The following COL4A1 variants were observed in gnomAD, a reference collection of about 807,000 sequenced individuals.
The protein encoded by COL4A1 is collagen alpha-1(IV) chain.
COL4A1 carries 40 observed loss-of-function variants against 216.6 expected under a neutral mutation model. That is an observed-to-expected ratio of 0.18 (90% CI 0.14 to 0.24). The LOEUF (loss-of-function observed/expected upper bound fraction) is 0.24. Ranked by LOEUF, COL4A1 falls within the 10% of genes least tolerant of loss-of-function variation. The probability of loss-of-function intolerance (pLI) is 1.00; values close to 1 mark genes in which losing one functional copy is unlikely to be tolerated. For synonymous variants in COL4A1, 839 were observed against 810.7 expected, an observed-to-expected ratio of 1.03 and a Z score of -0.59; for missense variants, 1,628 against 2,196.8, an observed-to-expected ratio of 0.74 and a Z score of 5.18.
At chr13:110,188,501 G>C (rs1418567314) in intron 24 of COL4A1, among the ~76,000 whole-genome samples, 1 of 152,216 alleles carries the variant, frequency 6.6e-6, no homozygotes, top group Non-Finnish European at 1.5e-5. Flanking sequence ...GGAAAACATG[G>C]AAACCAGGAC....
chr13:110,182,700 C>T (rs1009687763), intron 28 of COL4A1, among the ~76,000 whole-genome samples: 6 of 152,250 alleles, frequency 3.9e-5, no homozygotes, highest in African/African-American at 4.8e-5. Flanking sequence ...GAGTCTTCCT[C>T]ACGGATAAAA....
intron 1 of COL4A1, among the ~76,000 whole-genome samples, chr13:110,250,686 GT>G (rs1159230822): frequency 6.6e-6 from 1 of 152,126 alleles, no homozygotes; most frequent in Non-Finnish European, 1.5e-5. Flanking sequence ...AAATGAGTTG[GT>G]GGGCTTCGTG....
At chr13:110,290,625 C>A (rs1308758912) in intron 1 of COL4A1, among the ~76,000 whole-genome samples, 1 of 152,218 alleles carries the variant, frequency 6.6e-6, no homozygotes, top group African/African-American at 2.4e-5. Context: ...ACCTCCAGCT[C>A]ATCATCCCTG....
intron 20 of COL4A1, among the ~76,000 whole-genome samples, chr13:110,199,839 A>G (rs769341795): frequency 2.0e-5 from 3 of 152,224 alleles, no homozygotes; most frequent in Non-Finnish European, 4.4e-5. Context: ...GTGAGGAGAC[A>G]TGAAGTCACA....
intron 29 of COL4A1, among the ~76,000 whole-genome samples, chr13:110,180,294 A>G (rs981773812): frequency 1.3e-5 from 2 of 152,256 alleles, no homozygotes; most frequent in African/African-American, 4.8e-5. Context: ...GGTTGACTAA[A>G]TGTTCAAATG....
intron 19 of COL4A1, 191 bp downstream of exon 19, chr13:110,201,247 A>C: frequency 2.1e-6 from 1 of 469,696 alleles, no homozygotes; most frequent in Non-Finnish European, 3.8e-6. Context: ...GAGAAGGAGG[A>C]GGAGGAGGAA....
At chr13:110,159,374 A>G (rs963710721) in intron 49 of COL4A1, among the ~76,000 whole-genome samples, 6 of 152,208 alleles carry the variant, frequency 3.9e-5, no homozygotes, top group Non-Finnish European at 8.8e-5. Flanking sequence ...GGAGATACAC[A>G]GTATGTCTGC....
At chr13:110,277,339 C>G (rs58988373) in intron 1 of COL4A1, among the ~76,000 whole-genome samples, 18,907 of 152,210 alleles carry the variant, frequency 0.12, 1,171 homozygotes, top group Non-Finnish European at 0.15. Context: ...CTGTCTAAGC[C>G]ATTCTTTATT....
intron 1 of COL4A1, among the ~76,000 whole-genome samples, chr13:110,262,759 T>C (rs1180583748): frequency 6.6e-6 from 1 of 152,232 alleles, no homozygotes; most frequent in Non-Finnish European, 1.5e-5. Context: ...CTGCCTGGAA[T>C]TTCCAGCTGT....
intron 42 of COL4A1, 66 bp from the exon 43 acceptor site, chr13:110,169,828 G>A: frequency 6.2e-7 from 1 of 1,603,904 alleles, no homozygotes; most frequent in Non-Finnish European, 8.5e-7. Flanking sequence ...GGGCTGTGGG[G>A]CTATCAATAC....
At chr13:110,235,556 G>C (rs541367470) in intron 2 of COL4A1, among the ~76,000 whole-genome samples, 4 of 151,798 alleles carry the variant, frequency 2.6e-5, no homozygotes, top group Admixed American at 1.3e-4. Context: ...GAGGCTGAGG[G>C]AGGAGAATGG....
intron 51 of COL4A1, 68 bp downstream of exon 51, chr13:110,152,266 C>A: frequency 6.3e-7 from 1 of 1,595,880 alleles, no homozygotes; most frequent in Non-Finnish European, 8.5e-7. Context: ...TGTTACGGAT[C>A]GCGGATGATT....
rs143182563 is a variant in COL4A1, at chr13:110,176,431, G to T, written c.3051C>A (p.Gly1017=). The change falls in exon 36 of 52, where the codon GGC becomes GGA. Residue 1017 remains glycine (G), a synonymous_variant. Coordinates refer to ENST00000375820, the MANE Select transcript of COL4A1 (RefSeq NM_001845.6). ...CTTCTAAATCCAGTTTACCTGGCAA[G>T]CCCATTCCACCAACAGATCCTTTTG... The part of the protein sequence containing the change: ...PGPKGSVGGM[G]LPGTPGEKGV... 6.8e-6 allele frequency: 11 copies of T among 1,611,400 alleles called. No individual in the cohort carries two copies. The African/African-American group carries it at 9.3e-5, about 14-fold the overall frequency.
chr13:110,257,445 A>C (rs1038134339), intron 1 of COL4A1, among the ~76,000 whole-genome samples: 10 of 152,256 alleles, frequency 6.6e-5, no homozygotes, highest in African/African-American at 2.4e-4. Flanking sequence ...GCAAACCGTA[A>C]GTGCTACTTC....
At chr13:110,296,239 A>G (rs1026969137) in intron 1 of COL4A1, among the ~76,000 whole-genome samples, 1 of 152,188 alleles carries the variant, frequency 6.6e-6, no homozygotes, top group African/African-American at 2.4e-5. Flanking sequence ...GCTTTTGTTC[A>G]TCTCATAATT....
chr13:110,236,620 G>A (rs1201620667), intron 2 of COL4A1, among the ~76,000 whole-genome samples: 1 of 150,572 alleles, frequency 6.6e-6, no homozygotes, highest in African/African-American at 2.4e-5. Context: ...CCACGTCCTG[G>A]GTAATCGCGG....
chr13:110,209,834 T>C (rs1879692158), intron 10 of COL4A1, 146 bp downstream of exon 10: 1 of 1,006,794 alleles, frequency 9.9e-7, no homozygotes, highest in Admixed American at 1.7e-5. Context: ...GCCAAACGTT[T>C]AGTAAGAGGG....
chr13:110,182,010 A>G (rs1419961073), intron 28 of COL4A1, among the ~76,000 whole-genome samples: 2 of 152,234 alleles, frequency 1.3e-5, no homozygotes, highest in African/African-American at 2.4e-5. Context: ...AGGCTGCTGC[A>G]CAGATAGGGT....
In COL4A1 at chr13:110,178,998, A is replaced by T. The variant is rs1192018188; in HGVS notation, c.2383T>A (p.Ser795Thr). The T allele has an allele frequency of 6.2e-7, 1 of 1,611,720 alleles. No individual in the cohort carries two copies. Among genetic ancestry groups the T allele is most frequent in the African/African-American group, 1.3e-5 (1 of 74,890 alleles). Residue 795 changes from serine to threonine, a missense_variant, in exon 31 of 52, where the codon TCT becomes ACT. Physicochemically the swap from Ser to Thr is moderately conservative, Grantham distance 58 (BLOSUM62 1). This residue lies in a region of COL4A1 where 701 missense variants were observed against 892.5 expected (regional missense o/e 0.79). Transcript: ENST00000375820. ...GGGCCTATTCCTGGAACTCCTGGAG[A>T]CCCCACGGAGCCTGGCAATCCAGGA... Reference protein sequence around the residue: ...GPPGLPGSVGSPGVPGIGPPG... With the variant: ...GPPGLPGSVGTPGVPGIGPPG...
Sources: allele counts gnomAD v4.1 joint callset (sites outside exome capture counted in the v4.1 genomes callset), GRCh38; gene constraint gnomAD v4.1.1; regional missense constraint gnomAD v4.1.1; transcripts MANE v1.5; gene names NCBI Gene and HGNC (gene_info 2026-07-23, HGNC 2026-07-21).